SLC12A2: variants seen among roughly 807,000 people sequenced by gnomAD.
SLC12A2 encodes the protein Na-K-2Cl cotransporter 1.
In SLC12A2, 67 loss-of-function variants were observed where a neutral mutation model predicts 136.3. The observed-to-expected ratio is 0.49, with a 90% CI of 0.40 to 0.60. SLC12A2 has a LOEUF of 0.60. Ranked by LOEUF, SLC12A2 falls within the 20% of genes least tolerant of loss-of-function variation. The pLI is 0.00. For missense variants in SLC12A2, 1,322 were observed against 1,534.7 expected (o/e 0.86, Z 2.32); for synonymous variants, 619 against 562.9 (o/e 1.10, Z -1.41).
chr5:128,166,460 A>ATGTG (rs147416302), intron 17 of SLC12A2, among the ~76,000 whole-genome samples: 90 of 150,098 alleles, frequency 6.0e-4, no homozygotes, highest in Admixed American at 2.8e-3. Context: ...GGATAAACAA[A>ATGTG]TGTGTGTGTG....
In SLC12A2 at chr5:128,188,761, C is replaced by T. The variant is rs1024928585; in HGVS notation, c.*2130C>T. On this transcript the variant is annotated 3_prime_UTR_variant, in exon 27 of 27. Coordinates refer to ENST00000262461, the MANE Select transcript of SLC12A2 (RefSeq NM_001046.3). ...AAAAAAAAAAAAAAAAAAATTTCTACATTATAACTCACAGCATTGTTCCAT... is the reference window on the plus strand; with the variant it reads ...AAAAAAAAAAAAAAAAAAATTTCTATATTATAACTCACAGCATTGTTCCAT... The T allele has an allele frequency of 2.7e-5, 4 of 147,352 alleles. No homozygotes were observed. The highest frequency in any genetic ancestry group is 1.0e-4 in the African/African-American group (4 of 39,826). 9.1% of individuals were successfully genotyped at this position (147,352 alleles called of 1,614,324 possible). A position where few individuals can be genotyped will look rare whatever the true frequency, so the allele number is the denominator to read the frequency against.
chr5:128,084,377 G>T lies in SLC12A2; in HGVS notation c.423G>T (p.Val141=), dbSNP rs1337726826. ...GSEEAKGRFR[V]NFVDPAASSS... ...AGGAAGCCAAGGGCCGCTTCCGCGT[G>T]AACTTCGTGGACCCAGCTGCCTCCT... Residue 141 remains valine, a synonymous_variant, in exon 1 of 27, where the codon GTG becomes GTT. Coordinates refer to ENST00000262461, the MANE Select transcript of SLC12A2 (RefSeq NM_001046.3). This position sits in a 1 kb window ranked among gnomAD's most constrained non-coding sequence, Gnocchi z 5.6. 1.9e-6 allele frequency: 3 copies of T among 1,606,444 alleles called. No homozygotes were observed. The highest frequency in any genetic ancestry group is 2.5e-6 in the Non-Finnish European group (3 of 1,177,888).
At position 128,149,032 on chromosome 5, in the gene SLC12A2, A is replaced by G. The variant is rs559510767; in HGVS notation, c.2005+155A>G. ...GTACTGTAAGTAATAGCATGAGTAC[A>G]TATTTGCTGAAATTATTGCCATTAC... On this transcript the variant is annotated intron_variant, in intron 12 of 26. Transcript: ENST00000262461. 6.6e-5 allele frequency among the ~76,000 whole-genome samples: 10 copies of G among 151,994 alleles called. No individual in the cohort carries two copies. In the South Asian group the frequency reaches 2.1e-3, roughly 31 times the overall value.
At chr5:128,094,426 C>T (rs1217775498) in intron 1 of SLC12A2, among the ~76,000 whole-genome samples, 1 of 151,758 alleles carries the variant, frequency 6.6e-6, no homozygotes, top group Non-Finnish European at 1.5e-5. Flanking sequence ...AATGACCTGT[C>T]CAAAATCATA....
rs1178023917 is a variant in SLC12A2 at position 128,084,418 on chromosome 5, G to C, written c.464G>C (p.Ser155Thr). The C allele has an allele frequency of 6.2e-7, 1 of 1,612,316 alleles. No individual in the cohort carries two copies. ...GCTGCCTCCTCGTCGGCTGAAGACAGCCTGTCAGATGCTGCCGGGGTCGGA... is the reference window on the plus strand; with the variant it reads ...GCTGCCTCCTCGTCGGCTGAAGACACCCTGTCAGATGCTGCCGGGGTCGGA... ...DPAASSSAEDSLSDAAGVGVD... is the reference protein window; with the variant it reads ...DPAASSSAEDTLSDAAGVGVD... Residue 155 changes from serine to threonine, a missense_variant, in exon 1 of 27, where the codon AGC (serine) becomes ACC (threonine). Ser to Thr is a moderately conservative substitution (Grantham distance 58). Coordinates refer to ENST00000262461, the MANE Select transcript of SLC12A2 (RefSeq NM_001046.3). The surrounding 1 kb of genome is among the most constrained non-coding windows in gnomAD (Gnocchi z 5.6).
At chr5:128,152,934 C>T (rs549893128) in intron 15 of SLC12A2, 129 bp downstream of exon 15, 1 of 598,478 alleles carries the variant, frequency 1.7e-6, no homozygotes, top group Non-Finnish European at 3.0e-6. Context: ...TATTCAAGAA[C>T]AAAATTGTAC....
intron 15 of SLC12A2, 78 bp from the exon 16 acceptor site, chr5:128,157,975 C>A (rs1291336736): frequency 5.0e-6 from 6 of 1,198,282 alleles, no homozygotes; most frequent in Non-Finnish European, 7.2e-6. Flanking sequence ...CAGAAAGCTT[C>A]TTAGGGAAAC....
chr5:128,174,904 C>T (rs950058417), intron 20 of SLC12A2, among the ~76,000 whole-genome samples: 1 of 152,004 alleles, frequency 6.6e-6, no homozygotes, highest in Non-Finnish European at 1.5e-5. Flanking sequence ...AATATGGCTT[C>T]TGTGTTTTTA....
chr5:128,114,675 A>G lies in SLC12A2; in HGVS notation c.1042A>G (p.Arg348Gly), dbSNP rs1761281537. The G allele has an allele frequency of 1.3e-6, 2 of 1,582,316 alleles. No individual in the cohort carries two copies. The highest frequency in any genetic ancestry group is 1.1e-5 in the South Asian group (1 of 90,424). ...TSAIATNGFV[R>G]GGGAYYLISR... Reference sequence around the variant, plus strand: ...AGCAATAGCAACTAATGGATTTGTAAGAGGAGGTAAGTAGAATCTTTTTGA... The same window carrying G: ...AGCAATAGCAACTAATGGATTTGTAGGAGGAGGTAAGTAGAATCTTTTTGA... Residue 348 changes from arginine (R) to glycine (G), a missense_variant, in exon 4 of 27, where the codon AGA (arginine) becomes GGA (glycine). By Grantham distance (125) the Arg-to-Gly change is moderately radical (BLOSUM62 -2). Transcript: ENST00000262461.
At chr5:128,147,762 G>T in intron 11 of SLC12A2, 33 bp downstream of exon 11, 1 of 1,315,020 alleles carries the variant, frequency 7.6e-7, no homozygotes, top group South Asian at 1.2e-5. Context: ...CTTTATTAAA[G>T]GGAGAGTTAA....
intron 1 of SLC12A2, among the ~76,000 whole-genome samples, chr5:128,104,117 A>G (rs1242831195): frequency 1.3e-5 from 2 of 152,174 alleles, no homozygotes; most frequent in Non-Finnish European, 2.9e-5. Flanking sequence ...GCAGTGGGAA[A>G]GTATCTAAGG....
At chr5:128,128,550 C>T (rs1761900537) in intron 4 of SLC12A2, among the ~76,000 whole-genome samples, 1 of 152,010 alleles carries the variant, frequency 6.6e-6, no homozygotes, top group Admixed American at 6.5e-5. Context: ...AAGAGTTTAT[C>T]ATACATACTG....
chr5:128,102,584 C>T (rs1386521892), intron 1 of SLC12A2, among the ~76,000 whole-genome samples: 1 of 4,122 alleles, frequency 2.4e-4, no homozygotes, highest in Admixed American at 2.3e-3. Flanking sequence ...TGTAATTCAC[C>T]CCCCCCCCCG....
At chr5:128,091,111 C>G (rs746101505) in intron 1 of SLC12A2, among the ~76,000 whole-genome samples, 31 of 152,132 alleles carry the variant, frequency 2.0e-4, no homozygotes, top group Admixed American at 9.2e-4. Flanking sequence ...ATGACTTTTA[C>G]TAAGGTAGTA....
At chr5:128,170,225 ATTGATT>A (rs915041660) in intron 18 of SLC12A2, 35 of 152,330 alleles carry the variant, frequency 2.3e-4, no homozygotes, top group Admixed American at 2.0e-3. Context: ...CTTTAAAGAA[ATTGATT>A]TTGATTTAGT....
chr5:128,179,372 C>G (rs1763629319), intron 22 of SLC12A2, among the ~76,000 whole-genome samples: 1 of 152,118 alleles, frequency 6.6e-6, no homozygotes, highest in Non-Finnish European at 1.5e-5. Flanking sequence ...AGGAAGAGCT[C>G]TTTATTTCTG....
chr5:128,142,322 C>G (rs1481632411), intron 10 of SLC12A2, among the ~76,000 whole-genome samples: 1 of 152,048 alleles, frequency 6.6e-6, no homozygotes, highest in South Asian at 2.1e-4. Context: ...AGGCTGGTCT[C>G]GAACTCCTGA....
chr5:128,169,449 A>C lies in SLC12A2; in HGVS notation c.2723+1582A>C, dbSNP rs547562631. 20 of 152,254 alleles carry C rather than the reference A, an allele frequency of 1.3e-4. No homozygotes were observed. In the South Asian group the frequency reaches 3.3e-3, roughly 25 times the overall value. The allele number at this position is 152,254 out of a possible 1,614,324, so 9.4% of individuals were successfully genotyped here. A position where few individuals can be genotyped will look rare whatever the true frequency, so the allele number is the denominator to read the frequency against. On this transcript the variant is annotated intron_variant, in intron 18 of 26. Transcript: ENST00000262461. Reference sequence around the variant, plus strand: ...GTCTTTGAGGAAGCAGCTGGATCTCATACTCTACTTTTTAAAGGATCTCTT... The same window carrying C: ...GTCTTTGAGGAAGCAGCTGGATCTCCTACTCTACTTTTTAAAGGATCTCTT...
In SLC12A2 at chr5:128,184,796, G is replaced by A. The variant is rs1006698130; in HGVS notation, c.3443G>A (p.Arg1148Gln). The A allele has an allele frequency of 1.1e-5, 17 of 1,609,970 alleles. No individual in the cohort carries two copies. Among genetic ancestry groups the A allele is most frequent in the Non-Finnish European group, 1.4e-5 (16 of 1,176,724 alleles). Residue 1148 changes from arginine (R) to glutamine (Q), a missense_variant, in exon 26 of 27, where the codon CGG becomes CAG. Around this residue, in one of 8 missense-constraint regions of SLC12A2, gnomAD observed 172 missense variants for 227.4 expected, o/e 0.76. Coordinates refer to ENST00000262461, the MANE Select transcript of SLC12A2 (RefSeq NM_001046.3). ...TGTCCTGTTTCATTTCAGACATACC[G>A]GCAGATCAGGTTAAATGAGTTATTA... ...ELELYKTKTY[R>Q]QIRLNELLKE...
Sources: allele counts gnomAD v4.1 joint callset (sites outside exome capture counted in the v4.1 genomes callset), GRCh38; gene constraint gnomAD v4.1.1; regional missense constraint gnomAD v4.1.1; non-coding constraint Gnocchi (gnomAD v3.1); transcripts MANE v1.5; gene names NCBI Gene and HGNC (gene_info 2026-07-23, HGNC 2026-07-21).